Variants in CNBD1 observed in about 807,000 individuals in gnomAD.
CNBD1 encodes cyclic nucleotide binding domain containing 1.
In CNBD1, 71 loss-of-function variants were observed where a neutral mutation model predicts 54.4. The ratio of observed to expected loss-of-function variants is 1.30; its 90% CI spans 1.08 to 1.59. The LOEUF (loss-of-function observed/expected upper bound fraction) is 1.59. Among genes scored for constraint, CNBD1 ranks in the 40% most tolerant of loss-of-function variants. The pLI is 0.00. For missense variants in CNBD1, 659 were observed against 518.0 expected (o/e 1.27, Z -2.64); for synonymous variants, 182 against 170.7 (o/e 1.07, Z -0.51).
intron 8 of CNBD1, among the ~76,000 whole-genome samples, chr8:87,327,572 T>C (rs1809708827): frequency 6.6e-6 from 1 of 152,182 alleles, no homozygotes; most frequent in Non-Finnish European, 1.5e-5. Flanking sequence ...ATTTTCCAGG[T>C]GCGTCAGTCA....
chr8:86,868,677 G>A (rs951935878), intron 1 of CNBD1, among the ~76,000 whole-genome samples: 1 of 152,022 alleles, frequency 6.6e-6, no homozygotes, highest in African/African-American at 2.4e-5. Context: ...GCTTTCTGTA[G>A]TTAGTATGTA....
In CNBD1 at chr8:87,136,018, A is replaced by G. The variant is rs113532102; in HGVS notation, c.432-69975A>G. ...GTTGTTCAAAAACCTATAATAGAGT[A>G]TAGGCTGTTAGCTTCCAACGTCTTG... On this transcript the variant is annotated intron_variant, in intron 4 of 10. Coordinates refer to ENST00000518476, the MANE Select transcript of CNBD1 (RefSeq NM_173538.3). Among the ~76,000 whole-genome samples, 501 of 152,202 alleles carry G rather than the reference A, an allele frequency of 3.3e-3. 4 individuals carry two copies. Among genetic ancestry groups the G allele is most frequent in the African/African-American group, 0.011 (464 of 41,552 alleles).
intron 2 of CNBD1, among the ~76,000 whole-genome samples, chr8:86,901,948 C>A (rs7827816): frequency 0.57 from 86,721 of 151,902 alleles, 24,864 homozygotes; most frequent in South Asian, 0.68. Flanking sequence ...GATTTTGCCT[C>A]TGATGAGAAA....
At chr8:86,984,602 C>A (rs1276007751) in intron 4 of CNBD1, among the ~76,000 whole-genome samples, 1 of 152,156 alleles carries the variant, frequency 6.6e-6, no homozygotes, top group African/African-American at 2.4e-5. Flanking sequence ...CCTCTTGCAT[C>A]AGTGTGACCT....
intron 6 of CNBD1, among the ~76,000 whole-genome samples, chr8:87,238,789 T>G (rs2130827553): frequency 6.6e-6 from 1 of 152,238 alleles, no homozygotes; most frequent in Admixed American, 6.5e-5. Flanking sequence ...GAGATTTTCT[T>G]TATGTGCTGC....
chr8:87,320,915 T>C (rs151151378), intron 8 of CNBD1, among the ~76,000 whole-genome samples: 61 of 152,292 alleles, frequency 4.0e-4, no homozygotes, highest in African/African-American at 1.4e-3. Flanking sequence ...TTTTCTGCTA[T>C]CAATATGGCT....
At chr8:87,330,231 C>CTCT (rs77052306) in intron 8 of CNBD1, among the ~76,000 whole-genome samples, 21 of 130,776 alleles carry the variant, frequency 1.6e-4, no homozygotes, top group Admixed American at 7.0e-4. Context: ...TTCCTTCTCT[C>CTCT]TTTTTTTTTT....
chr8:87,228,814 G>A (rs1814582427), intron 5 of CNBD1, among the ~76,000 whole-genome samples: 1 of 152,194 alleles, frequency 6.6e-6, no homozygotes, highest in Admixed American at 6.5e-5. Context: ...TCAAGCCTGG[G>A]CAATGGCGGG....
chr8:86,876,918 T>C (rs1194598851), intron 1 of CNBD1, among the ~76,000 whole-genome samples: 5 of 152,046 alleles, frequency 3.3e-5, no homozygotes, highest in Admixed American at 3.3e-4. Flanking sequence ...CCTGCAATTT[T>C]TGCTTTATGA....
At chr8:87,354,266 C>A (rs1294625855) in intron 10 of CNBD1, among the ~76,000 whole-genome samples, 7 of 128,454 alleles carry the variant, frequency 5.4e-5, no homozygotes, top group Non-Finnish European at 8.9e-5. Flanking sequence ...CTAAGTCACA[C>A]AATAGTAAGT....
chr8:87,423,851 G>T (rs1298786530), intron 2 of CNBD1, among the ~76,000 whole-genome samples: 2 of 152,164 alleles, frequency 1.3e-5, no homozygotes, highest in Non-Finnish European at 2.9e-5. Flanking sequence ...AGAAGGAATG[G>T]TACCAGTTCC....
At chr8:86,983,847 T>C (rs1266428613) in intron 4 of CNBD1, among the ~76,000 whole-genome samples, 1 of 152,054 alleles carries the variant, frequency 6.6e-6, no homozygotes, top group Non-Finnish European at 1.5e-5. Flanking sequence ...GTTTGAAAAA[T>C]TTGCAGCCTG....
chr8:86,990,159 C>T (rs1230369723), intron 4 of CNBD1, among the ~76,000 whole-genome samples: 4 of 152,086 alleles, frequency 2.6e-5, no homozygotes, highest in African/African-American at 7.2e-5. Flanking sequence ...TGTCTTTTCA[C>T]TTTGCTGATT....
chr8:87,022,929 T>G (rs10955160), intron 4 of CNBD1, among the ~76,000 whole-genome samples: 38,136 of 152,058 alleles, frequency 0.25, 5,567 homozygotes, highest in Admixed American at 0.37. Flanking sequence ...AGGAGGCAGT[T>G]TAGGAAGAGA....
chr8:87,233,060 T>C (rs2130822566), intron 5 of CNBD1, among the ~76,000 whole-genome samples: 1 of 152,300 alleles, frequency 6.6e-6, no homozygotes, highest in African/African-American at 2.4e-5. Flanking sequence ...TGTATATTAG[T>C]TTTAAAATTC....
intron 4 of CNBD1, among the ~76,000 whole-genome samples, chr8:87,051,715 G>T (rs1464414408): frequency 6.6e-6 from 1 of 152,204 alleles, no homozygotes; most frequent in East Asian, 1.9e-4. Context: ...ACGCCTTTAA[G>T]TGGTTTTCCA....
At chr8:87,299,083 C>G (rs1757242422) in intron 8 of CNBD1, among the ~76,000 whole-genome samples, 1 of 152,086 alleles carries the variant, frequency 6.6e-6, no homozygotes. Flanking sequence ...AAGAGGTTTT[C>G]TAGTGTTTGG....
intron 2 of CNBD1, among the ~76,000 whole-genome samples, chr8:87,407,311 G>C (rs1807667973): frequency 6.6e-6 from 1 of 151,816 alleles, no homozygotes; most frequent in Admixed American, 6.6e-5. Context: ...GTGTTTTCAA[G>C]ATTCATCCAT....
intron 1 of CNBD1, among the ~76,000 whole-genome samples, chr8:86,873,293 G>C (rs1169625817): frequency 6.6e-6 from 1 of 151,510 alleles, no homozygotes; most frequent in Non-Finnish European, 1.5e-5. Context: ...TAGAGACGGG[G>C]TTTCTCCCTG....
Sources: gnomAD v4.1 joint callset for allele counts (sites outside exome capture counted in the v4.1 genomes callset) on GRCh38, gnomAD v4.1.1 for gene constraint, MANE v1.5 for transcripts, NCBI Gene and HGNC (gene_info 2026-07-23, HGNC 2026-07-21) for gene names.